The following ARRB1 variants were observed in gnomAD, a reference collection of about 807,000 sequenced individuals.
ARRB1 encodes the protein arrestin beta 1, also known as beta-arrestin-1.
In ARRB1, 21 loss-of-function variants were observed where a neutral mutation model predicts 56.8. The observed-to-expected ratio is 0.37, with a 90% CI of 0.26 to 0.53. The LOEUF (loss-of-function observed/expected upper bound fraction) is 0.53, where lower values mean the gene tolerates loss of function less well. ARRB1 is among the 20% of genes least tolerant of loss of function. The pLI is 0.88. For synonymous variants in ARRB1, 210 were observed against 218.6 expected (o/e 0.96, Z 0.35); for missense variants, 424 against 553.7 (o/e 0.77, Z 2.35).
Position 75,271,859 on chromosome 11 carries a change from C to G in ARRB1, c.999-135G>C, listed in dbSNP as rs539036864. Reference sequence around the variant, plus strand: ...CCACGGGACACACTCCCACCCACCCCCCTGCACAGCCCTGACTGCTCTTTC... The same window carrying G: ...CCACGGGACACACTCCCACCCACCCGCCTGCACAGCCCTGACTGCTCTTTC... On this transcript the variant is annotated intron_variant, in intron 12 of 15. Coordinates refer to ENST00000420843, the MANE Select transcript of ARRB1 (RefSeq NM_004041.5). 7 of 884,878 alleles carry G rather than the reference C, an allele frequency of 7.9e-6. No individual in the cohort carries two copies. In the South Asian group the frequency reaches 1.2e-4, roughly 16 times the overall value. 54.8% of individuals were successfully genotyped at this position (884,878 alleles called of 1,614,324 possible).
intron 12 of ARRB1, 171 bp downstream of exon 12, chr11:75,272,724 G>A: frequency 1.6e-6 from 1 of 616,464 alleles, no homozygotes; most frequent in Non-Finnish European, 2.9e-6. Context: ...AGGGAAAGCG[G>A]GCGGGGGAGA....
In ARRB1 at chr11:75,265,093, G is replaced by T. The variant is rs533463365; in HGVS notation, c.*1070C>A. On this transcript the variant is annotated 3_prime_UTR_variant, in exon 16 of 16. Transcript: ENST00000420843. ...TTCTGAGATAGGACCCCCTTTGACTGTGGCATGGTGGCCTCAGGCACTCTC... is the reference window on the plus strand; with the variant it reads ...TTCTGAGATAGGACCCCCTTTGACTTTGGCATGGTGGCCTCAGGCACTCTC... The T allele has an allele frequency of 2.0e-5, 3 of 152,338 alleles. No homozygotes were observed. The East Asian group carries it at 5.8e-4, about 29-fold the overall frequency. The allele number at this position is 152,338 out of a possible 1,614,324, so 9.4% of individuals were successfully genotyped here.
At position 75,350,888 on chromosome 11, in the gene ARRB1, C is replaced by T. The variant is rs374228246; in HGVS notation, c.20+700G>A. Among the ~76,000 whole-genome samples, 62 of 152,196 alleles carry T rather than the reference C, an allele frequency of 4.1e-4. 1 individual carries two copies. Among genetic ancestry groups the T allele is most frequent in the African/African-American group, 1.4e-3 (59 of 41,532 alleles). ...GTCAGCGGGCCTTGGGCTAGCAGCT[C>T]GTGCCTGTGGGGTGCCAGTCTTTGA... On this transcript the variant is annotated intron_variant, in intron 1 of 15. Coordinates refer to ENST00000420843, the MANE Select transcript of ARRB1 (RefSeq NM_004041.5).
At chr11:75,293,741 G>T (rs1946661609) in intron 1 of ARRB1, among the ~76,000 whole-genome samples, 1 of 152,168 alleles carries the variant, frequency 6.6e-6, no homozygotes, top group South Asian at 2.1e-4. Context: ...CTCAAGAAAA[G>T]GGGGAGGGCA....
intron 13 of ARRB1, among the ~76,000 whole-genome samples, chr11:75,270,695 A>C (rs1164825039): frequency 4.0e-5 from 6 of 151,880 alleles, no homozygotes; most frequent in Non-Finnish European, 8.8e-5. Context: ...CAGGAGGCTG[A>C]GTTGGGAGGA....
At chr11:75,284,182 G>A (rs480174) in intron 4 of ARRB1, 53 bp downstream of exon 4, 329,103 of 1,543,834 alleles carry the variant, frequency 0.21, 35,801 homozygotes, top group East Asian at 0.32. Context: ...CTAGAGGTCC[G>A]GGGGGAAGAG....
At chr11:75,279,333 G>A (rs1946274658) in intron 7 of ARRB1, among the ~76,000 whole-genome samples, 1 of 152,202 alleles carries the variant, frequency 6.6e-6, no homozygotes, top group Non-Finnish European at 1.5e-5. Context: ...TCAGGGGGAT[G>A]CAAGCCAGTG....
intron 1 of ARRB1, among the ~76,000 whole-genome samples, chr11:75,309,072 G>A (rs746618419): frequency 1.1e-4 from 16 of 152,246 alleles, no homozygotes; most frequent in Non-Finnish European, 1.8e-4. Context: ...GGGAGGCAAC[G>A]CCCGCCTGGC....
intron 6 of ARRB1, among the ~76,000 whole-genome samples, chr11:75,281,352 C>T (rs1432402681): frequency 1.3e-5 from 2 of 152,140 alleles, no homozygotes; most frequent in African/African-American, 4.8e-5. Flanking sequence ...TGGGACATCT[C>T]GAACCACCCA....
rs1300073267 is a variant in ARRB1 at position 75,269,079 on chromosome 11, A to T, written c.1023-120T>A. ...TTTTGCCGTCAGAGGAGGTAGATCC[A>T]AAAGATGCCCTCCAGCCCCAGTTCT... On this transcript the variant is annotated intron_variant, in intron 13 of 15. Transcript: ENST00000420843. 1.1e-5 allele frequency: 12 copies of T among 1,084,524 alleles called. No individual in the cohort carries two copies. In the East Asian group the frequency reaches 2.9e-4, roughly 26 times the overall value. 67.2% of individuals were successfully genotyped at this position (1,084,524 alleles called of 1,614,324 possible).
chr11:75,305,404 C>A (rs769164243), intron 1 of ARRB1, among the ~76,000 whole-genome samples: 17 of 152,042 alleles, frequency 1.1e-4, no homozygotes, highest in Non-Finnish European at 2.5e-4. Flanking sequence ...TACTATCATA[C>A]CCTCAAGGGT....
intron 1 of ARRB1, among the ~76,000 whole-genome samples, chr11:75,317,636 G>A (rs965788752): frequency 7.9e-5 from 12 of 152,182 alleles, no homozygotes; most frequent in Non-Finnish European, 1.5e-4. Context: ...ATTAAGCCAA[G>A]GACATGTCTG....
In ARRB1 at chr11:75,294,590, TAAA is replaced by T. The variant is rs1220374094; in HGVS notation, c.21-4554_21-4552del. Among the ~76,000 whole-genome samples, 15 of 89,356 alleles carry T rather than the reference TAAA, an allele frequency of 1.7e-4. 1 individual carries two copies. In the East Asian group the frequency reaches 1.8e-3, roughly 11 times the overall value. The allele number at this position is 89,356 out of a possible 152,430, so 58.6% of individuals were successfully genotyped here. Reference sequence around the variant, plus strand: ...ATAAATAAATAAATAAATAAATAAATAAATAAATAAATAAATAACTTAAAATAT... The same window carrying T: ...ATAAATAAATAAATAAATAAATAAATTAAATAAATAAATAACTTAAAATAT... On this transcript the variant is annotated intron_variant, in intron 1 of 15. Coordinates refer to ENST00000420843, the MANE Select transcript of ARRB1 (RefSeq NM_004041.5).
chr11:75,303,537 AT>A (rs1946953083), intron 1 of ARRB1: 1 of 454,622 alleles, frequency 2.2e-6, no homozygotes, highest in South Asian at 1.6e-5. Flanking sequence ...CGTCTTTCTT[AT>A]TTCCCTCCTT....
At position 75,276,133 on chromosome 11, in the gene ARRB1, G is replaced by A. The variant is rs546771068; in HGVS notation, c.776+706C>T. Among the ~76,000 whole-genome samples, 298 of 151,966 alleles carry A rather than the reference G, an allele frequency of 2.0e-3. 1 individual carries two copies. The highest frequency in any genetic ancestry group is 6.9e-3 in the African/African-American group (284 of 41,432). On this transcript the variant is annotated intron_variant, in intron 10 of 15. Coordinates refer to ENST00000420843, the MANE Select transcript of ARRB1 (RefSeq NM_004041.5). ...TTTCAGTTGCAAGAAATACTGATTG[G>A]AATTATACATAAACAAATACACATA...
chr11:75,280,044 C>A (rs1946291226), intron 7 of ARRB1, among the ~76,000 whole-genome samples: 1 of 152,172 alleles, frequency 6.6e-6, no homozygotes, highest in African/African-American at 2.4e-5. Flanking sequence ...TGTCTGGCAC[C>A]TAATCAGCCC....
At chr11:75,290,725 G>A (rs918484115) in intron 1 of ARRB1, among the ~76,000 whole-genome samples, 1 of 152,074 alleles carries the variant, frequency 6.6e-6, no homozygotes, top group East Asian at 1.9e-4. Context: ...GGGACCACAG[G>A]CACACGCCAC....
rs187631220 is a variant in ARRB1 at position 75,325,442 on chromosome 11, C to T, written c.20+26146G>A. On this transcript the variant is annotated intron_variant, in intron 1 of 15. Transcript: ENST00000420843. ...GTTCAAGCGATTCTCGTGCCTCAGC[C>T]TCCTGAGTAGCTGGGATTACAGGCA... 7.1e-3 allele frequency among the ~76,000 whole-genome samples: 1,088 copies of T among 152,286 alleles called. 11 individuals are homozygous for T. Among genetic ancestry groups the T allele is most frequent in the African/African-American group, 0.025 (1,032 of 41,556 alleles).
Position 75,261,353 on chromosome 11 carries a change from A to G in ARRB1, c.*4810T>C, listed in dbSNP as rs1406701923. ...GGCTGGTCTAAGATCAAACCTCGAG[A>G]TGGTGGTTTGAAGTTCTTCTTCAAA... On this transcript the variant is annotated 3_prime_UTR_variant, in exon 16 of 16. Transcript: ENST00000420843. The G allele has an allele frequency of 2.0e-5, 3 of 151,992 alleles. No individual in the cohort carries two copies. The highest frequency in any genetic ancestry group is 4.4e-5 in the Non-Finnish European group (3 of 68,034). 9.4% of individuals were successfully genotyped at this position (151,992 alleles called of 1,614,324 possible). A position where few individuals can be genotyped will look rare whatever the true frequency, so the allele number is the denominator to read the frequency against.
Sources: gnomAD v4.1 joint callset for allele counts (sites outside exome capture counted in the v4.1 genomes callset) on GRCh38, gnomAD v4.1.1 for gene constraint, MANE v1.5 for transcripts, NCBI Gene and HGNC (gene_info 2026-07-23, HGNC 2026-07-21) for gene names.